Variants in TSHZ3 observed in about 807,000 individuals in gnomAD.
TSHZ3 encodes the protein teashirt zinc finger homeobox 3.
Under a neutral mutation model 64.5 loss-of-function variants are expected in TSHZ3, and 10 were observed. The observed-to-expected ratio is 0.16, with a 90% CI of 0.10 to 0.26. The LOEUF (loss-of-function observed/expected upper bound fraction) is 0.26. TSHZ3 is among the 10% of genes least tolerant of loss of function. The pLI is 1.00. For missense variants in TSHZ3, 1,242 were observed against 1,421.7 expected (o/e 0.87, Z 2.03); for synonymous variants, 608 against 593.1 (o/e 1.03, Z -0.36).
chr19:31,201,796 T>G (rs1483204851), intron 5 of TSHZ3, among the ~76,000 whole-genome samples: 1 of 152,138 alleles, frequency 6.6e-6, no homozygotes, highest in Non-Finnish European at 1.5e-5. Flanking sequence ...ATTACAATAT[T>G]AAATGTTAGA....
intron 3 of TSHZ3, among the ~76,000 whole-genome samples, chr19:31,239,821 G>A (rs921072079): frequency 6.6e-6 from 1 of 152,060 alleles, no homozygotes; most frequent in Admixed American, 6.6e-5. Context: ...GAGTTCAAGT[G>A]ATTCTCCTAC....
chr19:31,191,954 A>G (rs998437953), intron 5 of TSHZ3, among the ~76,000 whole-genome samples: 1 of 152,232 alleles, frequency 6.6e-6, no homozygotes, highest in Admixed American at 6.5e-5. Context: ...CTGAAATGAT[A>G]ACAATTTATT....
intron 5 of TSHZ3, among the ~76,000 whole-genome samples, chr19:31,171,589 A>C (rs570347696): frequency 6.5e-4 from 99 of 151,418 alleles, no homozygotes; most frequent in African/African-American, 2.4e-3. Context: ...GGGAGGGTGA[A>C]TTTCTATGTT....
intron 1 of TSHZ3, among the ~76,000 whole-genome samples, chr19:31,325,122 G>A (rs766443625): frequency 5.3e-5 from 8 of 152,176 alleles, no homozygotes; most frequent in Non-Finnish European, 7.3e-5. Flanking sequence ...GGTAGTATAC[G>A]GGCACAGTGC....
At chr19:31,338,204 G>A (rs1376286630) in intron 1 of TSHZ3, among the ~76,000 whole-genome samples, 1 of 152,204 alleles carries the variant, frequency 6.6e-6, no homozygotes, top group African/African-American at 2.4e-5. Context: ...TCAGGCAGCT[G>A]GGGGCTGTGT....
Position 31,281,326 on chromosome 19 carries a change from T to C in TSHZ3, c.41-1574A>G, listed in dbSNP as rs547358178. Among the ~76,000 whole-genome samples, 7 of 152,200 alleles carry C rather than the reference T, an allele frequency of 4.6e-5. 1 individual carries two copies. Among genetic ancestry groups the C allele is most frequent in the African/African-American group, 1.7e-4 (7 of 41,542 alleles). Reference sequence around the variant, plus strand: ...ATTCCTTCCAGGACAGGTGTGATTCTTTTGCTCCTAAGCCCCCTACTTTGA... The same window carrying C: ...ATTCCTTCCAGGACAGGTGTGATTCCTTTGCTCCTAAGCCCCCTACTTTGA... On this transcript the variant is annotated intron_variant, in intron 1 of 1. Transcript: ENST00000240587.
intron 1 of TSHZ3, among the ~76,000 whole-genome samples, chr19:31,243,111 A>T (rs1250443427): frequency 6.6e-6 from 1 of 152,080 alleles, no homozygotes; most frequent in African/African-American, 2.4e-5. Context: ...TAACCATCAC[A>T]CCCTCCTAAA....
At chr19:31,181,615 G>A (rs1974716550) in intron 5 of TSHZ3, among the ~76,000 whole-genome samples, 1 of 152,024 alleles carries the variant, frequency 6.6e-6, no homozygotes, top group African/African-American at 2.4e-5. Flanking sequence ...CAGAAAGCAT[G>A]GGCATCCCCC....
At chr19:31,215,246 T>C (rs1975311159) in intron 4 of TSHZ3, among the ~76,000 whole-genome samples, 1 of 152,228 alleles carries the variant, frequency 6.6e-6, no homozygotes, top group African/African-American at 2.4e-5. Context: ...AAAATTGCTG[T>C]CACTCACTGG....
intron 1 of TSHZ3, among the ~76,000 whole-genome samples, chr19:31,344,737 C>T (rs1490669298): frequency 3.9e-5 from 6 of 152,176 alleles, no homozygotes; most frequent in Non-Finnish European, 8.8e-5. Context: ...GAGTGGAGGG[C>T]GGCGGTAAAG....
chr19:31,247,608 T>C (rs976958721), intron 1 of TSHZ3, among the ~76,000 whole-genome samples: 2 of 152,158 alleles, frequency 1.3e-5, no homozygotes, highest in Admixed American at 6.5e-5. Flanking sequence ...ATCTGTGATT[T>C]CCTTCCACCA....
chr19:31,309,378 C>T (rs1216842889), intron 1 of TSHZ3, among the ~76,000 whole-genome samples: 1 of 128,752 alleles, frequency 7.8e-6, no homozygotes, highest in Non-Finnish European at 1.6e-5. Context: ...TGGGTGGAGC[C>T]ATATCTTCTG....
chr19:31,322,562 A>G (rs1367185862), intron 1 of TSHZ3, among the ~76,000 whole-genome samples: 2 of 152,206 alleles, frequency 1.3e-5, no homozygotes, highest in African/African-American at 4.8e-5. Flanking sequence ...CTGAAACTAC[A>G]GATGCATGCT....
chr19:31,279,940 G>A lies in TSHZ3; in HGVS notation c.41-188C>T, dbSNP rs1976333381. Reference sequence around the variant, plus strand: ...TGTAAAATTAAACAGTTAAAATGTGGTGTTTCTTTGGAGCAAAAAAAAAAA... The same window carrying A: ...TGTAAAATTAAACAGTTAAAATGTGATGTTTCTTTGGAGCAAAAAAAAAAA... On this transcript the variant is annotated intron_variant, in intron 1 of 1. Coordinates refer to ENST00000240587, the MANE Select transcript of TSHZ3 (RefSeq NM_020856.4). The surrounding 1 kb of genome is among the most constrained non-coding windows in gnomAD (Gnocchi z 6.4). 7.4e-6 allele frequency among the ~76,000 whole-genome samples: 1 copy of A among 135,316 alleles called. No homozygotes were observed. Among genetic ancestry groups the A allele is most frequent in the Non-Finnish European group, 1.6e-5 (1 of 64,280 alleles). 88.8% of individuals were successfully genotyped at this position (135,316 alleles called of 152,430 possible).
At chr19:31,229,290 A>G (rs945873836) in intron 3 of TSHZ3, among the ~76,000 whole-genome samples, 5 of 152,250 alleles carry the variant, frequency 3.3e-5, no homozygotes, top group Non-Finnish European at 4.4e-5. Context: ...AACATTTGCA[A>G]GGACATTAAG....
chr19:31,225,881 C>A (rs1030828145), intron 4 of TSHZ3, among the ~76,000 whole-genome samples: 12 of 152,258 alleles, frequency 7.9e-5, no homozygotes, highest in Admixed American at 7.8e-4. Flanking sequence ...AACCCCAGCA[C>A]TTTGGGAAGC....
chr19:31,286,102 G>A (rs925081723), intron 1 of TSHZ3, among the ~76,000 whole-genome samples: 4 of 152,146 alleles, frequency 2.6e-5, no homozygotes, highest in Non-Finnish European at 5.9e-5. Context: ...CCTGCGGAAT[G>A]GCTGCACCCG....
chr19:31,281,517 T>C (rs538524793), intron 1 of TSHZ3, among the ~76,000 whole-genome samples: 52 of 152,306 alleles, frequency 3.4e-4, no homozygotes, highest in African/African-American at 1.2e-3. Context: ...GGATGTTCTT[T>C]ACAAATGACC....
intron 1 of TSHZ3, among the ~76,000 whole-genome samples, chr19:31,337,065 A>G (rs965584736): frequency 1.5e-5 from 2 of 135,636 alleles, no homozygotes; most frequent in South Asian, 4.5e-4. Flanking sequence ...TGCAAGGGTC[A>G]TATCTTTTTA....
Sources: gnomAD v4.1 joint callset for allele counts (sites outside exome capture counted in the v4.1 genomes callset) on GRCh38, gnomAD v4.1.1 for gene constraint, Gnocchi (gnomAD v3.1) non-coding constraint, MANE v1.5 for transcripts, NCBI Gene and HGNC (gene_info 2026-07-23, HGNC 2026-07-21) for gene names.